NEDD4L: variants seen among roughly 807,000 people sequenced by gnomAD.
NEDD4L encodes the protein NEDD4 like E3 ubiquitin protein ligase.
NEDD4L carries 54 observed loss-of-function variants against 148.9 expected under a neutral mutation model. The observed-to-expected ratio is 0.36, with a 90% confidence interval of 0.29 to 0.45. The LOEUF (loss-of-function observed/expected upper bound fraction) is 0.45. Ranked by LOEUF, NEDD4L falls within the 20% of genes least tolerant of loss-of-function variation. The pLI, the probability that NEDD4L is intolerant of heterozygous loss-of-function variation, is 1.00. For missense variants in NEDD4L, 856 were observed against 1,233.8 expected (o/e 0.69, Z 4.59); for synonymous variants, 433 against 440.7 (o/e 0.98, Z 0.22).
chr18:58,369,120 T>C (rs2046488471), intron 22 of NEDD4L, among the ~76,000 whole-genome samples: 1 of 152,190 alleles, frequency 6.6e-6, no homozygotes, highest in South Asian at 2.1e-4. Flanking sequence ...AGGGAGTGCA[T>C]TGAGTCCTCA....
intron 2 of NEDD4L, among the ~76,000 whole-genome samples, chr18:58,209,336 C>A (rs1327963416): frequency 1.4e-3 from 1 of 690 alleles, no homozygotes; most frequent in Non-Finnish European, 3.8e-3. Flanking sequence ...CTCCTCCTCT[C>A]CCTCCTCCTG....
At chr18:58,115,711 C>T (rs523986) in intron 1 of NEDD4L, among the ~76,000 whole-genome samples, 94,034 of 151,972 alleles carry the variant, frequency 0.62, 29,427 homozygotes, top group African/African-American at 0.68. Context: ...TCTTGTGTTG[C>T]GTGGCAATGC....
chr18:58,072,872 G>GCA (rs766485355), intron 1 of NEDD4L, among the ~76,000 whole-genome samples: 34,183 of 131,312 alleles, frequency 0.26, 4,543 homozygotes, highest in Middle Eastern at 0.37. Context: ...GCGCGCGCGC[G>GCA]CACACACACA....
At chr18:58,289,000 C>T (rs552552419) in intron 5 of NEDD4L, among the ~76,000 whole-genome samples, 4 of 152,148 alleles carry the variant, frequency 2.6e-5, no homozygotes, top group East Asian at 1.9e-4. Flanking sequence ...GTTCAGTGTT[C>T]GACATTTTAT....
At chr18:58,184,063 G>A (rs977595468) in intron 2 of NEDD4L, among the ~76,000 whole-genome samples, 1 of 152,174 alleles carries the variant, frequency 6.6e-6, no homozygotes, top group Non-Finnish European at 1.5e-5. Flanking sequence ...CAGCTACTCA[G>A]GAGGCTGAGG....
Position 58,185,130 on chromosome 18 carries a change from G to A in NEDD4L, c.122+19269G>A, listed in dbSNP as rs188132752. On this transcript the variant is annotated intron_variant, in intron 2 of 30. Coordinates refer to ENST00000400345, the MANE Select transcript of NEDD4L (RefSeq NM_001144967.3). ...AGCAGTATGGTGCAAATGTGCAGCTGAACAGTGGGCACAGGTTCCTGGTTA... is the reference window on the plus strand; with the variant it reads ...AGCAGTATGGTGCAAATGTGCAGCTAAACAGTGGGCACAGGTTCCTGGTTA... Among the ~76,000 whole-genome samples, 5 of 152,240 alleles carry A rather than the reference G, an allele frequency of 3.3e-5. No homozygotes were observed. In the East Asian group the frequency reaches 9.7e-4, roughly 30 times the overall value.
In NEDD4L at chr18:58,373,045, A is replaced by G. The variant is rs532654559; in HGVS notation, c.2257-129A>G. 4.7e-6 allele frequency: 3 copies of G among 631,968 alleles called. No homozygotes were observed. The East Asian group carries it at 8.5e-5, about 18-fold the overall frequency. The allele number at this position is 631,968 out of a possible 1,614,324, so 39.1% of individuals were successfully genotyped here. ...AAGGTTTGGTTTAGGTGGAGCAGGA[A>G]ACATTGCATTAGTAACATATTTCTT... is the stretch of plus-strand genomic sequence containing the variant. On this transcript the variant is annotated intron_variant, in intron 23 of 30. Coordinates refer to ENST00000400345, the MANE Select transcript of NEDD4L (RefSeq NM_001144967.3).
chr18:58,146,146 T>G (rs989381758), intron 1 of NEDD4L, among the ~76,000 whole-genome samples: 4 of 152,226 alleles, frequency 2.6e-5, no homozygotes, highest in African/African-American at 7.2e-5. Flanking sequence ...GAATCAGTGC[T>G]GGGTTCTGGT....
rs2042624841 is a variant in NEDD4L, at chr18:58,343,112, G to A, written c.1575+9G>A. 6.4e-7 allele frequency: 1 copy of A among 1,571,544 alleles called. No homozygotes were observed. The highest frequency in any genetic ancestry group is 8.6e-7 in the Non-Finnish European group (1 of 1,157,726). On this transcript the variant is annotated intron_variant, in intron 16 of 30. Coordinates refer to ENST00000400345, the MANE Select transcript of NEDD4L (RefSeq NM_001144967.3). ...CAAAGACTACAACCTGGGTAAGGCT[G>A]CTGCTTTTATTTGGCTCCATTTTCA...
intron 1 of NEDD4L, among the ~76,000 whole-genome samples, chr18:58,161,750 G>C (rs12454098): frequency 1.3e-4 from 19 of 151,764 alleles, no homozygotes; most frequent in Non-Finnish European, 4.4e-5. Context: ...TACTCCCTTC[G>C]TATGATTTTC....
At chr18:58,204,477 A>C (rs1161008700) in intron 2 of NEDD4L, among the ~76,000 whole-genome samples, 1 of 152,262 alleles carries the variant, frequency 6.6e-6, no homozygotes, top group Non-Finnish European at 1.5e-5. Flanking sequence ...GGTTATGTGG[A>C]GTACATAAAG....
chr18:58,056,266 C>T (rs1353031141), intron 1 of NEDD4L, among the ~76,000 whole-genome samples: 1 of 152,220 alleles, frequency 6.6e-6, no homozygotes, highest in Admixed American at 6.5e-5. Flanking sequence ...ACTCCTCTCA[C>T]CCCCAAAAAG....
chr18:58,045,272 C>T, intron 1 of NEDD4L: 2 of 396,660 alleles, frequency 5.0e-6, no homozygotes, highest in Non-Finnish European at 8.9e-6. Flanking sequence ...GCAAAGTCTA[C>T]GGCCAGGATT....
intron 1 of NEDD4L, among the ~76,000 whole-genome samples, chr18:58,082,209 G>A (rs1052226035): frequency 1.4e-5 from 2 of 144,658 alleles, no homozygotes; most frequent in Non-Finnish European, 3.0e-5. Context: ...CCGGGTTCAA[G>A]CAATTCTCCT....
chr18:58,138,478 G>T (rs971133856), intron 1 of NEDD4L, among the ~76,000 whole-genome samples: 2 of 151,560 alleles, frequency 1.3e-5, no homozygotes, highest in African/African-American at 4.9e-5. Flanking sequence ...ATTTTAGTTA[G>T]TTTTTGGATA....
intron 12 of NEDD4L, 104 bp downstream of exon 12, chr18:58,333,996 A>G (rs1244206164): frequency 6.1e-6 from 4 of 658,956 alleles, no homozygotes; most frequent in Admixed American, 6.8e-5. Context: ...TTTATTTACA[A>G]TATAAATGAG....
chr18:58,335,597 C>A, intron 13 of NEDD4L, 60 bp downstream of exon 13: 3 of 1,252,032 alleles, frequency 2.4e-6, no homozygotes, highest in Non-Finnish European at 3.5e-6. Context: ...TTTAATATTT[C>A]GTGTAGTGGT....
intron 28 of NEDD4L, 32 bp from the exon 29 acceptor site, chr18:58,390,614 G>T (rs111520412): frequency 6.1e-5 from 85 of 1,403,252 alleles, no homozygotes; most frequent in Non-Finnish European, 8.1e-5. Flanking sequence ...GGTCACGTGG[G>T]GGGTATAATG....
At chr18:58,070,978 T>C (rs2082842888) in intron 1 of NEDD4L, among the ~76,000 whole-genome samples, 1 of 152,094 alleles carries the variant, frequency 6.6e-6, no homozygotes, top group Non-Finnish European at 1.5e-5. Flanking sequence ...TTCTAGTCTT[T>C]GACAAAAATT....
Sources: gnomAD v4.1 joint callset for allele counts (sites outside exome capture counted in the v4.1 genomes callset) on GRCh38, gnomAD v4.1.1 for gene constraint, MANE v1.5 for transcripts, NCBI Gene and HGNC (gene_info 2026-07-23, HGNC 2026-07-21) for gene names.